WDFY4: variants seen among roughly 807,000 people sequenced by gnomAD.
WDFY4 encodes WD repeat- and FYVE domain-containing protein 4.
Under a neutral mutation model 351.9 loss-of-function variants are expected in WDFY4, and 169 were observed. The observed-to-expected ratio is 0.48, with a 90% CI of 0.42 to 0.55. The LOEUF (loss-of-function observed/expected upper bound fraction) is 0.55, where lower values mean the gene tolerates loss of function less well. Ranked by LOEUF, WDFY4 falls within the 20% of genes least tolerant of loss-of-function variation. WDFY4 has a pLI of 0.00. For missense variants in WDFY4, 3,803 were observed against 3,935.6 expected, an observed-to-expected ratio of 0.97 and a Z score of 0.90; for synonymous variants, 1,622 against 1,574.6, an observed-to-expected ratio of 1.03 and a Z score of -0.71.
chr10:48,872,190 A>T (rs141427834), intron 40 of WDFY4, among the ~76,000 whole-genome samples: 1 of 152,254 alleles, frequency 6.6e-6, no homozygotes, highest in Non-Finnish European at 1.5e-5. Flanking sequence ...CAATTTACTC[A>T]TTTAAAATGG....
chr10:48,950,765 TCA>T (rs1841284641), intron 51 of WDFY4, among the ~76,000 whole-genome samples: 1 of 152,208 alleles, frequency 6.6e-6, no homozygotes. Context: ...TCGTGCAGCA[TCA>T]CACACAGGTG....
chr10:48,803,477 G>A lies in WDFY4; in HGVS notation c.4484+118G>A. 1.0e-5 allele frequency: 10 copies of A among 970,392 alleles called. No homozygotes were observed. The South Asian group carries it at 1.5e-4, about 15-fold the overall frequency. The allele number at this position is 970,392 out of a possible 1,614,324, so 60.1% of individuals were successfully genotyped here. On this transcript the variant is annotated intron_variant, in intron 25 of 61. Coordinates refer to ENST00000325239, the MANE Select transcript of WDFY4 (RefSeq NM_001394531.1). ...CCCAGAACACTGGGTCCCCAAATGGGAGCACATCCTTCCCAGTGGCTCATG... is the reference window on the plus strand; with the variant it reads ...CCCAGAACACTGGGTCCCCAAATGGAAGCACATCCTTCCCAGTGGCTCATG...
chr10:48,836,753 T>G (rs140038133), intron 39 of WDFY4, among the ~76,000 whole-genome samples: 1 of 152,190 alleles, frequency 6.6e-6, no homozygotes, highest in African/African-American at 2.4e-5. Context: ...TCTAGAAGGC[T>G]GTGAGTGTCA....
chr10:48,870,357 G>A lies in WDFY4; in HGVS notation c.6741+3015G>A, dbSNP rs149372440. 7.2e-5 allele frequency among the ~76,000 whole-genome samples: 11 copies of A among 152,186 alleles called. No homozygotes were observed. In the East Asian group the frequency reaches 1.3e-3, roughly 19 times the overall value. ...TCAAGGCCAGACTGGGCATCATTGC[G>A]AGACCCCAACTCAAAAAAAAGTAGT... On this transcript the variant is annotated intron_variant, in intron 40 of 61. Transcript: ENST00000325239.
chr10:48,736,800 T>C (rs763520748), intron 11 of WDFY4, among the ~76,000 whole-genome samples: 3 of 152,158 alleles, frequency 2.0e-5, no homozygotes, highest in South Asian at 4.2e-4. Context: ...CCTTACCTGG[T>C]TGAGGAAGGC....
intron 39 of WDFY4, among the ~76,000 whole-genome samples, chr10:48,848,505 G>A (rs539893407): frequency 6.6e-6 from 1 of 152,198 alleles, no homozygotes; most frequent in Non-Finnish European, 1.5e-5. Flanking sequence ...CCTGCTCCTC[G>A]TAGGTGGCGT....
intron 9 of WDFY4, among the ~76,000 whole-genome samples, chr10:48,732,633 G>A (rs984913699): frequency 3.3e-5 from 5 of 152,214 alleles, no homozygotes; most frequent in Non-Finnish European, 7.3e-5. Flanking sequence ...TAACCCGTAC[G>A]AGCCGTGTCT....
chr10:48,929,780 C>A (rs941865676), intron 47 of WDFY4, among the ~76,000 whole-genome samples: 1 of 152,188 alleles, frequency 6.6e-6, no homozygotes, highest in Admixed American at 6.5e-5. Flanking sequence ...AGCTGCTCCA[C>A]CACAGCCTCT....
chr10:48,963,984 G>C lies in WDFY4; in HGVS notation c.8366G>C (p.Ser2789Thr). The part of the protein sequence containing the change: ...YFYGDRMDLS[S>T]ITDPLIKSTI... Reference sequence around the variant, plus strand: ...TACGGTGACAGAATGGACCTCAGCAGCATCACTGACCCCCTCATCAAAAGC... The same window carrying C: ...TACGGTGACAGAATGGACCTCAGCACCATCACTGACCCCCTCATCAAAAGC... Residue 2789 changes from serine to threonine, a missense_variant, in exon 54 of 62, where the codon AGC becomes ACC. Physicochemically the swap from Ser to Thr is moderately conservative, Grantham distance 58 (BLOSUM62 1). Coordinates refer to ENST00000325239, the MANE Select transcript of WDFY4 (RefSeq NM_001394531.1). The C allele has an allele frequency of 1.9e-6, 3 of 1,550,672 alleles. No homozygotes were observed. The highest frequency in any genetic ancestry group is 2.6e-6 in the Non-Finnish European group (3 of 1,146,988).
Position 48,826,896 on chromosome 10 carries a change from C to T in WDFY4, c.6208C>T (p.Leu2070Phe). Residue 2070 changes from leucine to phenylalanine, a missense_variant, in exon 36 of 62, where the codon CTC (leucine) becomes TTC (phenylalanine). Coordinates refer to ENST00000325239, the MANE Select transcript of WDFY4 (RefSeq NM_001394531.1). ...GTGTCTCATGCATTGCCTTTTGCTA[C>T]TCAATGAGAGAAGGTAAGAGCTGCC... ...LLCLMHCLLL[L>F]NERSYPEGFG... 3 of 1,551,584 alleles carry T rather than the reference C, an allele frequency of 1.9e-6. No individual in the cohort carries two copies. The highest frequency in any genetic ancestry group is 2.6e-6 in the Non-Finnish European group (3 of 1,146,924).
rs376773007 is a variant in WDFY4, at chr10:48,735,989, C to T, written c.1797C>T (p.Ala599=). 5.9e-5 allele frequency: 92 copies of T among 1,551,862 alleles called. 1 individual carries two copies. In the African/African-American group the frequency reaches 8.3e-4, roughly 14 times the overall value. ...TGGAGCAGCTCTCAGCCATCAACGC[C>T]GAGGAGTACATGAGCATCATTGTGG... The part of the protein sequence containing the change: ...SILEQLSAIN[A]EEYMSIIVGA... The change falls in exon 11 of 62, where the codon GCC becomes GCT. Residue 599 remains alanine, a synonymous_variant. Transcript: ENST00000325239.
chr10:48,743,096 G>A lies in WDFY4; in HGVS notation c.2007G>A (p.Trp669Ter), dbSNP rs1367388482. The A allele has an allele frequency of 1.3e-6, 2 of 1,551,596 alleles. No homozygotes were observed. The highest frequency in any genetic ancestry group is 1.7e-6 in the Non-Finnish European group (2 of 1,147,008). Residue 669 changes from tryptophan to a stop codon, truncating the protein, a stop_gained, in exon 12 of 62, where the codon TGG (tryptophan) becomes TGA (stop). Coordinates refer to ENST00000325239, the MANE Select transcript of WDFY4 (RefSeq NM_001394531.1). LOFTEE classifies it high-confidence loss of function. ...GSLQEPPLQA[W>*]GAVSPRQTLE... ...TCCAGGAGCCCCCGCTGCAGGCATG[G>A]GGAGCAGTATCCCCCAGACAGACCC...
At chr10:48,915,323 A>G (rs1314207260) in intron 47 of WDFY4, among the ~76,000 whole-genome samples, 1 of 152,124 alleles carries the variant, frequency 6.6e-6, no homozygotes. Flanking sequence ...AGAAGTGAGG[A>G]AGGTCTGCAG....
intron 51 of WDFY4, among the ~76,000 whole-genome samples, chr10:48,953,923 G>A (rs573631557): frequency 6.6e-6 from 1 of 152,312 alleles, no homozygotes; most frequent in South Asian, 2.1e-4. Context: ...GTCCTCTCAT[G>A]AAAGGAGTAT....
In WDFY4 at chr10:48,775,741, C is replaced by T; in HGVS notation, c.2798C>T (p.Ser933Phe). 1 of 1,551,744 alleles carries T rather than the reference C, an allele frequency of 6.4e-7. No individual in the cohort carries two copies. The highest frequency in any genetic ancestry group is 8.7e-7 in the Non-Finnish European group (1 of 1,146,996). Residue 933 changes from serine to phenylalanine, a missense_variant, in exon 15 of 62, where the codon TCT becomes TTT. This residue lies in a region of WDFY4 where 3,054 missense variants were observed against 3,148.6 expected (regional missense o/e 0.97). Transcript: ENST00000325239. The part of the protein sequence containing the change: ...RQFLGLGIPS[S>F]LSATTKILDS... ...TTTCTAGGTCTTGGAATTCCCTCAT[C>T]TCTGTCGGCCACAACAAAAATCCTT...
chr10:48,820,149 A>G, intron 32 of WDFY4, 85 bp from the exon 33 acceptor site: 1 of 1,419,682 alleles, frequency 7.0e-7, no homozygotes, highest in Non-Finnish European at 9.7e-7. Context: ...CATGACAATA[A>G]TCCGCCCATG....
At chr10:48,778,181 G>T (rs919989780) in intron 17 of WDFY4, among the ~76,000 whole-genome samples, 6 of 152,208 alleles carry the variant, frequency 3.9e-5, no homozygotes, top group African/African-American at 1.4e-4. Context: ...CCTTCATGAC[G>T]TTTTTCCATG....
chr10:48,743,789 A>G (rs1379656898), intron 12 of WDFY4, among the ~76,000 whole-genome samples: 1 of 152,080 alleles, frequency 6.6e-6, no homozygotes, highest in Non-Finnish European at 1.5e-5. Flanking sequence ...TCACATAAGA[A>G]CCAGGGAGGG....
At chr10:48,788,456 T>C in intron 20 of WDFY4, 74 bp from the exon 21 acceptor site, 1 of 1,469,714 alleles carries the variant, frequency 6.8e-7, no homozygotes, top group Non-Finnish European at 9.2e-7. Context: ...GTGACAGAGA[T>C]ATTAAATTGT....
Sources: gnomAD v4.1 joint callset for allele counts (sites outside exome capture counted in the v4.1 genomes callset) on GRCh38, gnomAD v4.1.1 for gene constraint, gnomAD v4.1.1 regional missense constraint, MANE v1.5 for transcripts, NCBI Gene and HGNC (gene_info 2026-07-23, HGNC 2026-07-21) for gene names.